The following SMIM36 variants were observed in gnomAD, a reference collection of about 807,000 sequenced individuals.
The protein encoded by SMIM36 is small integral membrane protein 36.
At chr17:55,451,229 A>G (rs1156662501) in intron 4 of SMIM36, among the ~76,000 whole-genome samples, 1 of 152,164 alleles carries the variant, frequency 6.6e-6, no homozygotes, top group Non-Finnish European at 1.5e-5. Context: ...CTAATTCCAG[A>G]TGGTGGCATA....
At chr17:55,510,944 T>A (rs996108102) in exon 1 of SMIM36, 2 of 396,828 alleles carry the variant, frequency 5.0e-6, no homozygotes, top group Non-Finnish European at 4.4e-6. Flanking sequence ...GAGCTCTCAC[T>A]TCCTTCATCA....
intron 4 of SMIM36, among the ~76,000 whole-genome samples, chr17:55,457,835 T>TA (rs931487850): frequency 6.6e-6 from 1 of 152,004 alleles, no homozygotes; most frequent in Non-Finnish European, 1.5e-5. Context: ...TTTTGTTAAT[T>TA]AAAAAAATAA....
chr17:55,531,822 G>A, the SMIM36 span, among the ~76,000 whole-genome samples: 3 of 152,154 alleles, frequency 2.0e-5, no homozygotes, highest in African/African-American at 7.2e-5. Flanking sequence ...ACAATAGTAC[G>A]GAATAGGCCC....
upstream of SMIM36, chr17:55,511,520 G>C: frequency 2.8e-6 from 1 of 362,460 alleles, no homozygotes; most frequent in Non-Finnish European, 4.9e-6. Context: ...TAAGCTTGCT[G>C]TTAATACCAC....
intron 3 of SMIM36, among the ~76,000 whole-genome samples, chr17:55,473,647 C>T (rs1280460950): frequency 6.6e-6 from 1 of 152,156 alleles, no homozygotes; most frequent in Non-Finnish European, 1.5e-5. Context: ...CAAACTCAGC[C>T]TCCAACTTAC....
intron 1 of SMIM36, among the ~76,000 whole-genome samples, chr17:55,488,418 AAAG>A (rs1248315695): frequency 6.6e-6 from 1 of 152,236 alleles, no homozygotes; most frequent in Non-Finnish European, 1.5e-5. Flanking sequence ...ACCCAAGCAT[AAAG>A]AAGAACATTT....
chr17:55,524,930 A>C, the SMIM36 span, among the ~76,000 whole-genome samples: 5 of 152,274 alleles, frequency 3.3e-5, no homozygotes, highest in South Asian at 1.0e-3. Flanking sequence ...ACTGCTTTAC[A>C]TGCACTGAGC....
chr17:55,523,819 TA>T, the SMIM36 span, among the ~76,000 whole-genome samples: 1 of 152,182 alleles, frequency 6.6e-6, no homozygotes, highest in Non-Finnish European at 1.5e-5. Context: ...ATGGAAAACA[TA>T]AGCTCATTAA....
At chr17:55,494,753 A>C (rs963605977) in intron 1 of SMIM36, among the ~76,000 whole-genome samples, 9 of 152,232 alleles carry the variant, frequency 5.9e-5, no homozygotes, top group African/African-American at 2.2e-4. Context: ...ATATAAGTAT[A>C]GATAAGTGTA....
At chr17:55,507,547 G>T (rs2144722411) in intron 1 of SMIM36, among the ~76,000 whole-genome samples, 1 of 110,550 alleles carries the variant, frequency 9.0e-6, no homozygotes, top group South Asian at 3.7e-4. Flanking sequence ...ATGGACACAG[G>T]AAGGGGAATA....
At chr17:55,531,241 C>T in the SMIM36 span, among the ~76,000 whole-genome samples, 7 of 152,194 alleles carry the variant, frequency 4.6e-5, no homozygotes, top group African/African-American at 1.7e-4. Context: ...GACCAAACTT[C>T]CCTCAATAAT....
At chr17:55,492,245 T>TC (rs200313916) in intron 1 of SMIM36, among the ~76,000 whole-genome samples, 27,621 of 128,850 alleles carry the variant, frequency 0.21, 3,876 homozygotes, top group East Asian at 0.47. Flanking sequence ...TTTCTTTCTT[T>TC]TTTTTTTTTT....
intron 4 of SMIM36, among the ~76,000 whole-genome samples, chr17:55,458,027 T>A (rs1909060967): frequency 6.6e-6 from 1 of 152,156 alleles, no homozygotes; most frequent in South Asian, 2.1e-4. Context: ...TTAGAGTGTG[T>A]CTTTTCTCTA....
intron 1 of SMIM36, among the ~76,000 whole-genome samples, chr17:55,491,960 C>T (rs1000803171): frequency 2.6e-5 from 4 of 151,930 alleles, no homozygotes; most frequent in Admixed American, 1.3e-4. Context: ...TAGATCGAGA[C>T]CATCCTGGTT....
intron 1 of SMIM36, among the ~76,000 whole-genome samples, chr17:55,501,193 TCTTA>T: frequency 4.1e-4 from 3 of 7,242 alleles, no homozygotes; most frequent in African/African-American, 1.2e-3. Context: ...ATATAATATA[TCTTA>T]TATATTATAA....
intron 1 of SMIM36, among the ~76,000 whole-genome samples, chr17:55,502,135 C>T (rs1348252557): frequency 2.7e-5 from 4 of 150,242 alleles, no homozygotes; most frequent in South Asian, 2.1e-4. Context: ...AAGGCGGCAG[C>T]GAGGCTGGGG....
intron 1 of SMIM36, among the ~76,000 whole-genome samples, chr17:55,481,601 C>A (rs1466852089): frequency 6.6e-6 from 1 of 152,132 alleles, no homozygotes; most frequent in Non-Finnish European, 1.5e-5. Flanking sequence ...TATAAGTGTT[C>A]TAGCTAAGAA....
At chr17:55,510,759 C>T (rs776782474) in intron 1 of SMIM36, 120 bp downstream of exon 1, 1 of 214,898 alleles carries the variant, frequency 4.7e-6, no homozygotes, top group Non-Finnish European at 9.1e-6. Context: ...GTCATTCTCT[C>T]CTGTGAGTTG....
intron 1 of SMIM36, among the ~76,000 whole-genome samples, chr17:55,492,628 T>TA (rs57104591): frequency 0.01 from 1,467 of 143,252 alleles, 20 homozygotes; most frequent in African/African-American, 0.032. Context: ...TACACCCACT[T>TA]AAAAAAAAAA....
Sources: gnomAD v4.1 joint callset for allele counts (sites outside exome capture counted in the v4.1 genomes callset) on GRCh38, gnomAD v4.1.1 for gene constraint, MANE v1.5 for transcripts, NCBI Gene and HGNC (gene_info 2026-07-23, HGNC 2026-07-21) for gene names.